DLC1: variants seen among roughly 807,000 people sequenced by gnomAD.
The protein encoded by DLC1 is rho GTPase-activating protein 7.
In DLC1, 54 loss-of-function variants were observed where a neutral mutation model predicts 140.3. The ratio of observed to expected loss-of-function variants is 0.38; its 90% CI spans 0.31 to 0.48. The LOEUF is 0.48. Ranked by LOEUF, DLC1 falls within the 20% of genes least tolerant of loss-of-function variation. DLC1 has a pLI of 0.96. For synonymous variants in DLC1, 986 were observed against 728.1 expected (o/e 1.35, Z -5.70); for missense variants, 2,536 against 1,907.0 (o/e 1.33, Z -6.14).
intron 3 of DLC1, among the ~76,000 whole-genome samples, chr8:13,394,991 A>G (rs1836955713): frequency 9.5e-6 from 1 of 104,914 alleles, no homozygotes; most frequent in Non-Finnish European, 2.3e-5. Flanking sequence ...TTTGCTTGCT[A>G]ATCTACTACA....
At chr8:13,293,262 A>G (rs1325625726) in intron 5 of DLC1, among the ~76,000 whole-genome samples, 2 of 152,224 alleles carry the variant, frequency 1.3e-5, no homozygotes, top group Non-Finnish European at 2.9e-5. Context: ...ATGAATTAAT[A>G]GCCAAATGGC....
At chr8:13,127,902 G>C (rs1821720754) in intron 5 of DLC1, among the ~76,000 whole-genome samples, 1 of 152,226 alleles carries the variant, frequency 6.6e-6, no homozygotes, top group Non-Finnish European at 1.5e-5. Flanking sequence ...TGAGGACTCA[G>C]CTTCACTGAC....
At position 13,431,404 on chromosome 8, in the gene DLC1, A is replaced by C. The variant is rs552323139; in HGVS notation, c.1024-29785T>G. 4.3e-5 allele frequency among the ~76,000 whole-genome samples: 6 copies of C among 140,806 alleles called. No individual in the cohort carries two copies. In the South Asian group the frequency reaches 1.2e-3, roughly 28 times the overall value. 92.4% of individuals were successfully genotyped at this position (140,806 alleles called of 152,430 possible). The stretch of plus-strand genomic sequence containing the variant: ...AGGCTGAGGCAGGAGAATGGTGTGA[A>C]CCCGGGAGGCGGAGCTTGCAGTGAG... On this transcript the variant is annotated intron_variant, in intron 2 of 17. Coordinates refer to ENST00000276297, the MANE Select transcript of DLC1 (RefSeq NM_182643.3).
intron 5 of DLC1, chr8:13,133,302 C>T: frequency 3.2e-6 from 4 of 1,249,952 alleles, no homozygotes; most frequent in South Asian, 2.0e-5. Context: ...CTCCCGCGCG[C>T]TCCGCCAGCC....
Position 13,440,685 on chromosome 8 carries a change from G to A in DLC1, c.1024-39066C>T, listed in dbSNP as rs535564811. On this transcript the variant is annotated intron_variant, in intron 2 of 17. Coordinates refer to ENST00000276297, the MANE Select transcript of DLC1 (RefSeq NM_182643.3). ...TCTCCCAGAACTCCCATGTATGGAG[G>A]GATCTAGGGGGAGGTAATTGAATCA... 3.9e-5 allele frequency among the ~76,000 whole-genome samples: 6 copies of A among 152,180 alleles called. No homozygotes were observed. In the East Asian group the frequency reaches 9.7e-4, roughly 25 times the overall value.
intron 2 of DLC1, among the ~76,000 whole-genome samples, chr8:13,465,486 A>G (rs1243645235): frequency 6.6e-6 from 1 of 152,110 alleles, no homozygotes; most frequent in Non-Finnish European, 1.5e-5. Flanking sequence ...CATTTCTCTG[A>G]TTTCAAGAGT....
intron 1 of DLC1, among the ~76,000 whole-genome samples, chr8:13,573,036 G>T (rs566112019): frequency 6.6e-6 from 1 of 152,236 alleles, no homozygotes; most frequent in African/African-American, 2.4e-5. Flanking sequence ...GATAGGGATT[G>T]CATTTAATCT....
At chr8:13,559,064 C>T (rs973942439) in intron 1 of DLC1, 1 of 152,246 alleles carries the variant, frequency 6.6e-6, no homozygotes, top group Non-Finnish European at 1.5e-5. Context: ...ACAGAAAGGA[C>T]AAGCAACTGC....
intron 5 of DLC1, among the ~76,000 whole-genome samples, chr8:13,227,240 C>G (rs1036832961): frequency 3.3e-5 from 5 of 152,102 alleles, no homozygotes; most frequent in African/African-American, 9.7e-5. Flanking sequence ...TGTAGTCTCA[C>G]CTAGTGACTA....
At chr8:13,166,059 A>T (rs142081891) in intron 5 of DLC1, among the ~76,000 whole-genome samples, 3 of 152,270 alleles carry the variant, frequency 2.0e-5, no homozygotes, top group Non-Finnish European at 4.4e-5. Flanking sequence ...CACAAAACCT[A>T]TTCCCAATGA....
At chr8:13,452,834 A>G (rs376048225) in intron 2 of DLC1, among the ~76,000 whole-genome samples, 78 of 152,258 alleles carry the variant, frequency 5.1e-4, no homozygotes, top group Admixed American at 2.2e-3. Context: ...ACGAGGGGAT[A>G]CTCTAACATC....
intron 5 of DLC1, among the ~76,000 whole-genome samples, chr8:13,201,115 A>T (rs1330020579): frequency 2.0e-5 from 3 of 151,152 alleles, no homozygotes; most frequent in Admixed American, 6.6e-5. Flanking sequence ...ACAAATTGGC[A>T]ATTGAGAAAA....
chr8:13,443,672 AAAAG>A (rs1798646287), intron 2 of DLC1, among the ~76,000 whole-genome samples: 2 of 151,570 alleles, frequency 1.3e-5, no homozygotes, highest in East Asian at 1.9e-4. Context: ...AAAAAAAAAA[AAAAG>A]AAAAAGAAAA....
intron 5 of DLC1, among the ~76,000 whole-genome samples, chr8:13,167,722 G>A (rs1236452490): frequency 2.6e-5 from 4 of 152,138 alleles, no homozygotes; most frequent in Non-Finnish European, 5.9e-5. Flanking sequence ...ACTTAATTCT[G>A]GGCGGAGTCC....
At chr8:13,381,129 G>C (rs1421835659) in intron 4 of DLC1, among the ~76,000 whole-genome samples, 1 of 152,150 alleles carries the variant, frequency 6.6e-6, no homozygotes, top group Non-Finnish European at 1.5e-5. Context: ...AGCCAGAGGA[G>C]GTGTGGCTGT....
At chr8:13,231,135 C>G (rs960406089) in intron 5 of DLC1, among the ~76,000 whole-genome samples, 2 of 151,860 alleles carry the variant, frequency 1.3e-5, no homozygotes, top group African/African-American at 4.8e-5. Flanking sequence ...GCATACATTA[C>G]AAATAAGTCC....
intron 4 of DLC1, among the ~76,000 whole-genome samples, chr8:13,348,658 C>G (rs1422328861): frequency 1.3e-5 from 2 of 151,994 alleles, no homozygotes; most frequent in Non-Finnish European, 2.9e-5. Flanking sequence ...ACAGAAGAAG[C>G]AGATTCACCT....
intron 5 of DLC1, among the ~76,000 whole-genome samples, chr8:13,131,748 C>T (rs1822111375): frequency 6.6e-6 from 1 of 152,176 alleles, no homozygotes; most frequent in Non-Finnish European, 1.5e-5. Context: ...ACAGTTATCA[C>T]CCCTTTGGTG....
intron 1 of DLC1, among the ~76,000 whole-genome samples, chr8:13,571,807 G>A (rs561466438): frequency 1.3e-5 from 2 of 152,162 alleles, no homozygotes; most frequent in South Asian, 2.1e-4. Context: ...CAGTTGCAAC[G>A]TTTTACATTT....
Sources: allele counts gnomAD v4.1 joint callset (sites outside exome capture counted in the v4.1 genomes callset), GRCh38; gene constraint gnomAD v4.1.1; transcripts MANE v1.5; gene names NCBI Gene and HGNC (gene_info 2026-07-23, HGNC 2026-07-21).